RAB18: variants seen among roughly 807,000 people sequenced by gnomAD.
RAB18 encodes ras-related protein Rab-18.
RAB18 carries 10 observed loss-of-function variants against 28.5 expected under a neutral mutation model. That is an observed-to-expected ratio of 0.35 (90% CI 0.22 to 0.60). RAB18 has a LOEUF of 0.60. RAB18 is among the 20% of genes least tolerant of loss of function. RAB18 has a pLI of 0.78. For synonymous variants in RAB18, 93 were observed against 86.9 expected (o/e 1.07, Z -0.39); for missense variants, 188 against 244.2 (o/e 0.77, Z 1.53).
intron 2 of RAB18, among the ~76,000 whole-genome samples, chr10:27,524,986 G>A (rs1834643228): frequency 6.6e-6 from 1 of 152,170 alleles, no homozygotes; most frequent in South Asian, 2.1e-4. Flanking sequence ...CTGTGGATGG[G>A]TATTGGTAAG....
intron 3 of RAB18, among the ~76,000 whole-genome samples, chr10:27,529,035 TAA>T (rs1311737174): frequency 6.6e-6 from 1 of 152,070 alleles, no homozygotes; most frequent in Non-Finnish European, 1.5e-5. Flanking sequence ...TTTTCTTCAT[TAA>T]AGTCTTTATA....
rs189924764 is a variant in RAB18, at chr10:27,506,146, C to T, written c.68+1709C>T. Among the ~76,000 whole-genome samples the T allele has an allele frequency of 4.2e-3, 646 of 152,196 alleles. 6 individuals carry two copies. The highest frequency in any genetic ancestry group is 4.5e-3 in the Non-Finnish European group (303 of 68,028). ...TTGAGATATCGTTCTCATTTAAGTT[C>T]AGGCATATGAAATTAGTGTTTTTGA... On this transcript the variant is annotated intron_variant, in intron 1 of 6. Coordinates refer to ENST00000356940, the MANE Select transcript of RAB18 (RefSeq NM_021252.5).
chr10:27,531,657 A>G (rs747059215), intron 3 of RAB18: 2 of 733,682 alleles, frequency 2.7e-6, no homozygotes, highest in South Asian at 3.0e-5. Context: ...AACTTTATTT[A>G]ATAAAACAGG....
rs36085130 is a variant in RAB18, at chr10:27,541,344, C to CTT, written c.*3307_*3308dup. 2 of 421,796 alleles carry CTT rather than the reference C, an allele frequency of 4.7e-6. No homozygotes were observed. The highest frequency in any genetic ancestry group is 2.2e-5 in the African/African-American group (1 of 46,466). The allele number at this position is 421,796 out of a possible 1,614,324, so 26.1% of individuals were successfully genotyped here. A position where few individuals can be genotyped will look rare whatever the true frequency, so the allele number is the denominator to read the frequency against. ...CTAAGGAATATAGAATCACCCAGGT[C>CTT]TTTTTTTTTTTTTTTAATTTTTCTC... On this transcript the variant is annotated 3_prime_UTR_variant, in exon 7 of 7. Coordinates refer to ENST00000356940, the MANE Select transcript of RAB18 (RefSeq NM_021252.5).
rs544225499 is a variant in RAB18 at position 27,539,830 on chromosome 10, A to T, written c.*1779A>T. 1.5e-4 allele frequency: 70 copies of T among 453,864 alleles called. No homozygotes were observed. Among genetic ancestry groups the T allele is most frequent in the African/African-American group, 1.3e-3 (67 of 50,104 alleles). 28.1% of individuals were successfully genotyped at this position (453,864 alleles called of 1,614,324 possible). A position where few individuals can be genotyped will look rare whatever the true frequency, so the allele number is the denominator to read the frequency against. ...AATAAATATAGCCTGCTTTCCCTAG[A>T]TGCATTTGTGTAGGAAGTATATACA... On this transcript the variant is annotated 3_prime_UTR_variant, in exon 7 of 7. Transcript: ENST00000356940.
rs554691260 is a variant in RAB18, at chr10:27,513,098, G to T, written c.124+3168G>T. ...CCCAGGCCGGAGTGCAGTGGTGCAT[G>T]ATCTCAGCTCACTGCAATCTCCGCC... On this transcript the variant is annotated intron_variant, in intron 2 of 6. Transcript: ENST00000356940. Among the ~76,000 whole-genome samples, 120 of 150,096 alleles carry T rather than the reference G, an allele frequency of 8.0e-4. 4 individuals are homozygous for T. In the South Asian group the frequency reaches 0.024, roughly 30 times the overall value.
intron 2 of RAB18, among the ~76,000 whole-genome samples, chr10:27,518,927 A>G (rs1356284879): frequency 6.8e-6 from 1 of 147,542 alleles, no homozygotes; most frequent in Non-Finnish European, 1.5e-5. Context: ...TTTTGAATTA[A>G]TTTTTGAATA....
At chr10:27,513,784 C>T (rs991165825) in intron 2 of RAB18, among the ~76,000 whole-genome samples, 2 of 152,120 alleles carry the variant, frequency 1.3e-5, no homozygotes, top group African/African-American at 4.8e-5. Flanking sequence ...AACTGCAAGG[C>T]CCCCCTGAGG....
At chr10:27,514,319 A>G (rs1168152102) in intron 2 of RAB18, 2 of 152,234 alleles carry the variant, frequency 1.3e-5, no homozygotes, top group Non-Finnish European at 2.9e-5. Flanking sequence ...ACATTTTGCC[A>G]TGAGTTTAGA....
intron 2 of RAB18, among the ~76,000 whole-genome samples, chr10:27,516,639 G>A (rs1196894582): frequency 6.6e-6 from 1 of 151,794 alleles, no homozygotes; most frequent in Non-Finnish European, 1.5e-5. Flanking sequence ...TAGTCAGAAG[G>A]CTGGGGCTAA....
intron 2 of RAB18, among the ~76,000 whole-genome samples, chr10:27,517,298 G>A (rs1376662253): frequency 2.0e-5 from 3 of 152,158 alleles, no homozygotes; most frequent in Non-Finnish European, 4.4e-5. Context: ...GGGAGGCAGA[G>A]GTTGCAGTGA....
chr10:27,505,345 G>A (rs1367394494), intron 1 of RAB18, among the ~76,000 whole-genome samples: 1 of 151,968 alleles, frequency 6.6e-6, no homozygotes, highest in East Asian at 1.9e-4. Context: ...GCACTCCAGG[G>A]GCTGTAATCA....
intron 2 of RAB18, among the ~76,000 whole-genome samples, chr10:27,514,756 AGTTTTTTT>A (rs1323700164): frequency 5.9e-5 from 9 of 151,928 alleles, no homozygotes; most frequent in African/African-American, 9.7e-5. Context: ...CAAAATTGCA[AGTTTTTTT>A]GTTTTTTTGT....
intron 2 of RAB18, among the ~76,000 whole-genome samples, chr10:27,515,579 A>G (rs1278851969): frequency 2.0e-5 from 3 of 152,062 alleles, no homozygotes; most frequent in Admixed American, 2.0e-4. Flanking sequence ...AAAAATACCT[A>G]TGACTTCTGC....
At chr10:27,521,875 G>A (rs1165696881) in intron 2 of RAB18, among the ~76,000 whole-genome samples, 1 of 151,874 alleles carries the variant, frequency 6.6e-6, no homozygotes, top group Non-Finnish European at 1.5e-5. Flanking sequence ...AAGTATATGG[G>A]AGGATTTAAA....
chr10:27,516,029 A>G (rs886861167), intron 2 of RAB18, among the ~76,000 whole-genome samples: 1 of 151,778 alleles, frequency 6.6e-6, no homozygotes, highest in African/African-American at 2.4e-5. Context: ...TATCTATTTT[A>G]TTGTTTTGAG....
At chr10:27,505,797 A>G (rs1837815023) in intron 1 of RAB18, among the ~76,000 whole-genome samples, 1 of 152,064 alleles carries the variant, frequency 6.6e-6, no homozygotes, top group South Asian at 2.1e-4. Flanking sequence ...TGACCTCGTG[A>G]CCCGCCCACC....
At chr10:27,504,664 T>C in intron 1 of RAB18, 1 of 735,470 alleles carries the variant, frequency 1.4e-6, no homozygotes, top group South Asian at 1.5e-5. Context: ...GTTCTCTGGG[T>C]CGCTCTCCCT....
Position 27,541,207 on chromosome 10 carries a change from C to T in RAB18, c.*3156C>T. On this transcript the variant is annotated 3_prime_UTR_variant, in exon 7 of 7. Transcript: ENST00000356940. ...GCTTTCAGAAGACATTGTTCTGACT[C>T]CGACCCTGCCGTGTATACTCAACTA... The T allele has an allele frequency of 4.4e-6, 2 of 454,030 alleles. No homozygotes were observed. Among genetic ancestry groups the T allele is most frequent in the South Asian group, 3.1e-5 (2 of 64,470 alleles). 28.1% of individuals were successfully genotyped at this position (454,030 alleles called of 1,614,324 possible).
Sources: allele counts gnomAD v4.1 joint callset (sites outside exome capture counted in the v4.1 genomes callset), GRCh38; gene constraint gnomAD v4.1.1; transcripts MANE v1.5; gene names NCBI Gene and HGNC (gene_info 2026-07-23, HGNC 2026-07-21).